The following SBF2 variants were observed in gnomAD, a reference collection of about 807,000 sequenced individuals.
SBF2 encodes the protein myotubularin-related protein 13.
A neutral mutation model predicts 225.2 loss-of-function variants in SBF2; 112 were observed. The observed-to-expected ratio is 0.50, with a 90% CI of 0.43 to 0.58. The LOEUF (loss-of-function observed/expected upper bound fraction) is 0.58, where lower values mean the gene tolerates loss of function less well. Ranked by LOEUF, SBF2 falls within the 20% of genes least tolerant of loss-of-function variation. The pLI is 0.00. For synonymous variants in SBF2, 763 were observed against 773.3 expected, an observed-to-expected ratio of 0.99 and a Z score of 0.22; for missense variants, 1,996 against 2,206.2, an observed-to-expected ratio of 0.90 and a Z score of 1.91.
At position 10,246,149 on chromosome 11, in the gene SBF2, A is replaced by G. The variant is rs1959769288; in HGVS notation, c.55+47866T>C. 2.0e-5 allele frequency among the ~76,000 whole-genome samples: 3 copies of G among 152,216 alleles called. No homozygotes were observed. In the South Asian group the frequency reaches 6.2e-4, roughly 32 times the overall value. On this transcript the variant is annotated intron_variant, in intron 1 of 39. Coordinates refer to ENST00000256190, the MANE Select transcript of SBF2 (RefSeq NM_030962.4). ...GTGTTCTTATCACACACAAAAAAAG[A>G]AAGAGTGGGGGGAAGCTTTTGAAGG...
At chr11:10,083,658 A>T (rs1951449882) in intron 2 of SBF2, among the ~76,000 whole-genome samples, 1 of 152,234 alleles carries the variant, frequency 6.6e-6, no homozygotes, top group Non-Finnish European at 1.5e-5. Context: ...GGTGCTAGGG[A>T]AATTGGAGTG....
chr11:9,981,272 T>C (rs1946945446), intron 13 of SBF2, among the ~76,000 whole-genome samples: 1 of 152,160 alleles, frequency 6.6e-6, no homozygotes, highest in Non-Finnish European at 1.5e-5. Flanking sequence ...TCATTAAAGC[T>C]GGCAACAATA....
At position 9,917,699 on chromosome 11, in the gene SBF2, G is replaced by C. The variant is rs1324790869; in HGVS notation, c.1861-21688C>G. 4.7e-5 allele frequency among the ~76,000 whole-genome samples: 7 copies of C among 150,028 alleles called. 2 individuals are homozygous for C. The highest frequency in any genetic ancestry group is 1.7e-4 in the African/African-American group (7 of 40,190). On this transcript the variant is annotated intron_variant, in intron 16 of 39. Transcript: ENST00000256190. ...TCCTCACTTTTTTTTTTCATCTTCA[G>C]ATCTCTTCTTATGGTACGTGCCTTC...
At chr11:10,150,387 C>T (rs1170925504) in intron 2 of SBF2, among the ~76,000 whole-genome samples, 3 of 152,148 alleles carry the variant, frequency 2.0e-5, no homozygotes, top group Admixed American at 6.5e-5. Context: ...AGGGGCGAAA[C>T]ACTATTTTCA....
At chr11:10,088,180 C>T (rs10770087) in intron 2 of SBF2, among the ~76,000 whole-genome samples, 67,231 of 151,602 alleles carry the variant, frequency 0.44, 15,573 homozygotes, top group Admixed American at 0.55. Context: ...CACACCACCA[C>T]GGCCGGCTAA....
intron 16 of SBF2, among the ~76,000 whole-genome samples, chr11:9,932,023 G>C (rs549887309): frequency 7.6e-6 from 1 of 132,378 alleles, no homozygotes; most frequent in South Asian, 2.3e-4. Flanking sequence ...CTGGAAGAAA[G>C]GGTATCAGTG....
chr11:9,831,396 A>G (rs1855391649), intron 27 of SBF2, among the ~76,000 whole-genome samples: 1 of 152,242 alleles, frequency 6.6e-6, no homozygotes, highest in Non-Finnish European at 1.5e-5. Context: ...TTACACCAGT[A>G]GTGAGACTTC....
At chr11:10,196,876 T>TTTTTTTTTTTTTTTTC (rs71034756) in intron 1 of SBF2, among the ~76,000 whole-genome samples, 6 of 119,100 alleles carry the variant, frequency 5.0e-5, no homozygotes, top group African/African-American at 1.8e-4. Context: ...ATTTTTTTTT[T>TTTTTTTTTTTTTTTTC]CCTACAAAAT....
At chr11:10,157,192 C>T (rs765600751) in intron 2 of SBF2, among the ~76,000 whole-genome samples, 6 of 152,246 alleles carry the variant, frequency 3.9e-5, no homozygotes, top group African/African-American at 7.2e-5. Context: ...CAATAAATGG[C>T]GCTGGAATAA....
intron 2 of SBF2, among the ~76,000 whole-genome samples, chr11:10,136,702 A>G (rs557442741): frequency 6.6e-6 from 1 of 152,376 alleles, no homozygotes; most frequent in South Asian, 2.1e-4. Flanking sequence ...AATTAATGTC[A>G]AAAACTGAGT....
At chr11:10,010,285 C>A (rs952786945) in intron 6 of SBF2, among the ~76,000 whole-genome samples, 1 of 152,076 alleles carries the variant, frequency 6.6e-6, no homozygotes, top group Non-Finnish European at 1.5e-5. Flanking sequence ...GTTGCCATTG[C>A]TTTTGGTGTT....
At chr11:9,828,230 A>G (rs1414991189) in intron 28 of SBF2, 1 of 1,285,928 alleles carries the variant, frequency 7.8e-7, no homozygotes, top group Admixed American at 2.3e-5. Flanking sequence ...CCCTAAAGTC[A>G]GCCAAAAAGA....
chr11:10,021,867 A>G (rs926429624), intron 6 of SBF2, among the ~76,000 whole-genome samples: 4 of 152,160 alleles, frequency 2.6e-5, no homozygotes, highest in African/African-American at 9.7e-5. Flanking sequence ...TATCACCACC[A>G]TGTGCTTTGG....
upstream of SBF2, among the ~76,000 whole-genome samples, chr11:10,297,445 GTGT>G (rs1964558714): frequency 6.6e-6 from 1 of 152,046 alleles, no homozygotes; most frequent in Non-Finnish European, 1.5e-5. Context: ...TATGCTTTTA[GTGT>G]TATATCTAAA....
At chr11:10,172,459 C>A (rs1433857583) in intron 2 of SBF2, among the ~76,000 whole-genome samples, 1 of 152,116 alleles carries the variant, frequency 6.6e-6, no homozygotes, top group Non-Finnish European at 1.5e-5. Context: ...TCAAGGGATT[C>A]TCCTGCCTCA....
chr11:10,091,596 T>C (rs1951784901), intron 2 of SBF2, among the ~76,000 whole-genome samples: 1 of 152,130 alleles, frequency 6.6e-6, no homozygotes, highest in Non-Finnish European at 1.5e-5. Flanking sequence ...AAGCAAACAA[T>C]TACTAGTTAA....
intron 1 of SBF2, among the ~76,000 whole-genome samples, chr11:10,208,944 A>G (rs1402408763): frequency 6.6e-6 from 1 of 152,166 alleles, no homozygotes; most frequent in Non-Finnish European, 1.5e-5. Context: ...GCAAGTGCTT[A>G]GTTTCAGCAT....
chr11:9,953,140 G>A (rs1865956376), intron 16 of SBF2, among the ~76,000 whole-genome samples: 2 of 152,202 alleles, frequency 1.3e-5, no homozygotes, highest in Non-Finnish European at 2.9e-5. Context: ...ATCAATGAGT[G>A]GATAAAGAAA....
chr11:9,899,225 G>A (rs1861520917), intron 16 of SBF2, among the ~76,000 whole-genome samples: 1 of 151,756 alleles, frequency 6.6e-6, no homozygotes, highest in South Asian at 2.1e-4. Flanking sequence ...TGGGTGTGGT[G>A]GTTCATACTT....
Sources: allele counts gnomAD v4.1 joint callset (sites outside exome capture counted in the v4.1 genomes callset), GRCh38; gene constraint gnomAD v4.1.1; transcripts MANE v1.5; gene names NCBI Gene and HGNC (gene_info 2026-07-23, HGNC 2026-07-21).